ATG10: variants seen among roughly 807,000 people sequenced by gnomAD.
ATG10 encodes ubiquitin-like-conjugating enzyme ATG10.
In ATG10, 30 loss-of-function variants were observed where a neutral mutation model predicts 32.1. The ratio of observed to expected loss-of-function variants is 0.94; its 90% CI spans 0.70 to 1.27. The LOEUF is 1.27. ATG10 is among the 50% of genes most tolerant of loss of function. The pLI is 0.00. For synonymous variants in ATG10, 87 were observed against 91.5 expected, an observed-to-expected ratio of 0.95 and a Z score of 0.28; for missense variants, 233 against 262.3, an observed-to-expected ratio of 0.89 and a Z score of 0.77.
intron 3 of ATG10, among the ~76,000 whole-genome samples, chr5:82,085,790 A>G (rs1764664575): frequency 6.6e-6 from 1 of 152,188 alleles, no homozygotes; most frequent in South Asian, 2.1e-4. Context: ...CAAGGCTTTT[A>G]GAGGAGGTTT....
intron 3 of ATG10, among the ~76,000 whole-genome samples, chr5:82,152,817 A>G (rs1180028798): frequency 2.0e-5 from 3 of 152,218 alleles, no homozygotes; most frequent in Non-Finnish European, 4.4e-5. Context: ...ATTAGGGTTG[A>G]GTGCTTAACT....
At chr5:82,217,011 C>T (rs945476140) in intron 5 of ATG10, among the ~76,000 whole-genome samples, 4 of 151,324 alleles carry the variant, frequency 2.6e-5, no homozygotes, top group Non-Finnish European at 2.9e-5. Flanking sequence ...GCCGAGATTG[C>T]GCTACTGCAC....
intron 5 of ATG10, among the ~76,000 whole-genome samples, chr5:82,251,131 T>C (rs544349629): frequency 6.6e-6 from 1 of 152,292 alleles, no homozygotes; most frequent in South Asian, 2.1e-4. Context: ...AACTCATCCC[T>C]CACCACCACC....
intron 2 of ATG10, among the ~76,000 whole-genome samples, chr5:81,993,360 C>CTTTCCTTCTTTCTTTTCTTTTCTT: frequency 4.3e-5 from 2 of 46,772 alleles, no homozygotes; most frequent in African/African-American, 1.8e-4. Flanking sequence ...TCTTTCTTTC[C>CTTTCCTTCTTTCTTTTCTTTTCTT]TTCTTTTCTT....
rs558651452 is a variant in ATG10, at chr5:81,983,406, G to T, written c.-12-4153G>T. Among the ~76,000 whole-genome samples, 920 of 145,226 alleles carry T rather than the reference G, an allele frequency of 6.3e-3. 2 individuals carry two copies. The highest frequency in any genetic ancestry group is 0.01 in the Non-Finnish European group (671 of 65,468). ...TCCCGGACGGGGTGGCTGGCCAGGCGGGGGGCTGACTCCCCCACCTCCCTC... is the reference window on the plus strand; with the variant it reads ...TCCCGGACGGGGTGGCTGGCCAGGCTGGGGGCTGACTCCCCCACCTCCCTC... On this transcript the variant is annotated intron_variant, in intron 1 of 7. Coordinates refer to ENST00000282185, the MANE Select transcript of ATG10 (RefSeq NM_031482.5).
intron 3 of ATG10, among the ~76,000 whole-genome samples, chr5:82,125,373 C>T (rs890278817): frequency 3.3e-5 from 5 of 152,100 alleles, no homozygotes; most frequent in Non-Finnish European, 7.4e-5. Flanking sequence ...TGCCTAAGTC[C>T]TGAATAGTAT....
intron 3 of ATG10, among the ~76,000 whole-genome samples, chr5:82,160,434 AT>A (rs1743270848): frequency 6.6e-6 from 1 of 152,142 alleles, no homozygotes; most frequent in Non-Finnish European, 1.5e-5. Flanking sequence ...AGGACACCTC[AT>A]TGTTTCAATT....
chr5:82,108,312 G>A (rs571145859), intron 3 of ATG10, among the ~76,000 whole-genome samples: 105 of 151,828 alleles, frequency 6.9e-4, no homozygotes, highest in African/African-American at 2.4e-3. Context: ...TTGTATTTGC[G>A]AGTATACATA....
At position 81,987,941 on chromosome 5, in the gene ATG10, A is replaced by G. The variant is rs144919019; in HGVS notation, c.108+263A>G. Among the ~76,000 whole-genome samples, 255 of 152,338 alleles carry G rather than the reference A, an allele frequency of 1.7e-3. 7 individuals are homozygous for G. The highest frequency in any genetic ancestry group is 0.015 in the Admixed American group (231 of 15,302). On this transcript the variant is annotated intron_variant, in intron 2 of 7. Transcript: ENST00000282185. ...CTGCTTAATTTAATAGATAAAAATT[A>G]GCATATTAATTATCTGAATGTAAAC...
chr5:82,122,699 G>A (rs1166964154), intron 3 of ATG10, among the ~76,000 whole-genome samples: 1 of 152,072 alleles, frequency 6.6e-6, no homozygotes, highest in Non-Finnish European at 1.5e-5. Flanking sequence ...GTGGGCAAAG[G>A]ACATGAACAG....
intron 3 of ATG10, among the ~76,000 whole-genome samples, chr5:82,157,006 G>A (rs958643679): frequency 1.3e-5 from 2 of 152,152 alleles, no homozygotes; most frequent in Non-Finnish European, 2.9e-5. Context: ...ACAGGGTCTA[G>A]GAAGCACAGT....
chr5:82,253,414 A>C lies in ATG10; in HGVS notation c.652A>C (p.Asn218His), dbSNP rs1362075260. The change falls in exon 7 of 8, where the codon AAT becomes CAT. Residue 218 changes from asparagine (N) to histidine (H), a missense_variant. Physicochemically the swap from Asn to His is moderately conservative, Grantham distance 68. Transcript: ENST00000282185. ...YAKATSQDERNVP is the reference protein window; with the variant it reads ...YAKATSQDERHVP ...CAAAGCAACGTCTCAGGATGAACGA[A>C]ATGTCCCTTAACAAGGTAAAAGAAA... 1.3e-6 allele frequency: 2 copies of C among 1,583,984 alleles called. No individual in the cohort carries two copies. The highest frequency in any genetic ancestry group is 1.7e-6 in the Non-Finnish European group (2 of 1,152,620).
At chr5:82,244,180 G>C (rs1746923605) in intron 5 of ATG10, among the ~76,000 whole-genome samples, 1 of 152,102 alleles carries the variant, frequency 6.6e-6, no homozygotes, top group African/African-American at 2.4e-5. Context: ...GGTATTGTCT[G>C]AACTCCCTGT....
intron 3 of ATG10, among the ~76,000 whole-genome samples, chr5:82,076,626 G>A (rs983507828): frequency 1.5e-4 from 23 of 152,168 alleles, no homozygotes; most frequent in Non-Finnish European, 2.9e-4. Context: ...ATATTCTCAG[G>A]AAAGCTAGTT....
chr5:82,227,591 G>A (rs978270275), intron 5 of ATG10, among the ~76,000 whole-genome samples: 1 of 151,984 alleles, frequency 6.6e-6, no homozygotes, highest in Non-Finnish European at 1.5e-5. Flanking sequence ...GGCAAGGATG[G>A]TCTCGAACTC....
chr5:82,045,208 A>G (rs762236527), intron 2 of ATG10, among the ~76,000 whole-genome samples: 2 of 152,118 alleles, frequency 1.3e-5, no homozygotes, highest in Non-Finnish European at 1.5e-5. Context: ...GGGTATGTCT[A>G]TTTTGTTATT....
chr5:81,984,528 A>G (rs1761198030), intron 1 of ATG10, among the ~76,000 whole-genome samples: 1 of 152,248 alleles, frequency 6.6e-6, no homozygotes, highest in Non-Finnish European at 1.5e-5. Flanking sequence ...TGTCACCTGT[A>G]GTCTGAATTT....
At chr5:82,164,248 C>G in intron 3 of ATG10, 151 bp from the exon 4 acceptor site, 2 of 722,250 alleles carry the variant, frequency 2.8e-6, no homozygotes, top group Non-Finnish European at 4.5e-6. Flanking sequence ...AAATGTTAAA[C>G]ATTAATATGG....
rs77004963 is a variant in ATG10, at chr5:82,175,887, G to A, written c.356-2603G>A. ...ATTGTTTATTTTCACACACACACAC[G>A]CACACACACACACACACACACCCCA... On this transcript the variant is annotated intron_variant, in intron 4 of 7. Coordinates refer to ENST00000282185, the MANE Select transcript of ATG10 (RefSeq NM_031482.5). Among the ~76,000 whole-genome samples the A allele has an allele frequency of 1.7e-4, 22 of 129,574 alleles. No individual in the cohort carries two copies. The South Asian group carries it at 4.1e-3, about 24-fold the overall frequency. 85.0% of individuals were successfully genotyped at this position (129,574 alleles called of 152,430 possible).
Sources: gnomAD v4.1 joint callset for allele counts (sites outside exome capture counted in the v4.1 genomes callset) on GRCh38, gnomAD v4.1.1 for gene constraint, MANE v1.5 for transcripts, NCBI Gene and HGNC (gene_info 2026-07-23, HGNC 2026-07-21) for gene names.